Variants in ELL2 observed in about 807,000 individuals in gnomAD.
ELL2 encodes RNA polymerase II elongation factor ELL2.
A neutral mutation model predicts 72.8 loss-of-function variants in ELL2; 21 were observed. That is an observed-to-expected ratio of 0.29 (90% CI 0.20 to 0.42). The LOEUF (loss-of-function observed/expected upper bound fraction) is 0.42, where lower values mean the gene tolerates loss of function less well. ELL2 is among the 10% of genes least tolerant of loss of function. ELL2 has a pLI of 1.00. For synonymous variants in ELL2, 266 were observed against 283.2 expected (o/e 0.94, Z 0.61); for missense variants, 568 against 772.8 (o/e 0.73, Z 3.14).
intron 9 of ELL2, among the ~76,000 whole-genome samples, chr5:95,894,228 G>A (rs1312758364): frequency 2.6e-5 from 4 of 152,072 alleles, no homozygotes; most frequent in East Asian, 3.9e-4. Flanking sequence ...CAACAAGAGC[G>A]AAATTCCGTC....
intron 1 of ELL2, among the ~76,000 whole-genome samples, chr5:95,943,345 CT>C (rs1447981005): frequency 3.3e-5 from 5 of 151,732 alleles, no homozygotes; most frequent in African/African-American, 1.2e-4. Flanking sequence ...TCATTATATA[CT>C]TTCTTTTGCA....
At chr5:95,922,366 T>C (rs1310373188) in intron 2 of ELL2, among the ~76,000 whole-genome samples, 1 of 152,224 alleles carries the variant, frequency 6.6e-6, no homozygotes, top group Non-Finnish European at 1.5e-5. Flanking sequence ...CCAGCCTAAA[T>C]TGCATTTTTA....
At chr5:95,915,352 G>A (rs1580500464) in intron 3 of ELL2, among the ~76,000 whole-genome samples, 2 of 152,298 alleles carry the variant, frequency 1.3e-5, no homozygotes, top group Admixed American at 1.3e-4. Flanking sequence ...CACTCGCCTT[G>A]GCCTCCCAAA....
chr5:95,959,998 A>G (rs1751754340), intron 1 of ELL2, among the ~76,000 whole-genome samples: 1 of 152,042 alleles, frequency 6.6e-6, no homozygotes, highest in Non-Finnish European at 1.5e-5. Flanking sequence ...GGCTCTCTGA[A>G]TACACTCCCA....
intron 2 of ELL2, among the ~76,000 whole-genome samples, chr5:95,940,526 G>A (rs1256250048): frequency 6.6e-6 from 1 of 152,052 alleles, no homozygotes; most frequent in African/African-American, 2.4e-5. Flanking sequence ...AACAGAAAAT[G>A]ATTTTAACAT....
intron 5 of ELL2, among the ~76,000 whole-genome samples, chr5:95,903,234 T>C (rs959155087): frequency 2.8e-4 from 31 of 109,500 alleles, no homozygotes; most frequent in African/African-American, 8.4e-4. Context: ...TTTTTTTTTT[T>C]CCGAGACAGA....
intron 1 of ELL2, among the ~76,000 whole-genome samples, chr5:95,950,904 GTATATATATATATATATATA>G (rs869036736): frequency 0.089 from 4,136 of 46,614 alleles, 239 homozygotes; most frequent in African/African-American, 0.2. Context: ...GTATGTATGT[GTATATATATATATATATATA>G]TATATATATA....
intron 1 of ELL2, among the ~76,000 whole-genome samples, chr5:95,944,573 AC>A (rs1260636921): frequency 6.6e-6 from 1 of 152,204 alleles, no homozygotes; most frequent in Non-Finnish European, 1.5e-5. Flanking sequence ...GAAAAATGCC[AC>A]CCCCAAACTA....
At chr5:95,889,722 G>T (rs1748587221) in intron 10 of ELL2, among the ~76,000 whole-genome samples, 1 of 152,136 alleles carries the variant, frequency 6.6e-6, no homozygotes, top group Non-Finnish European at 1.5e-5. Flanking sequence ...TACAAATGAA[G>T]AAACCTTAGA....
Position 95,903,569 on chromosome 5 carries a change from A to G in ELL2, c.742-2489T>C, listed in dbSNP as rs986721470. On this transcript the variant is annotated intron_variant, in intron 5 of 11. Coordinates refer to ENST00000237853, the MANE Select transcript of ELL2 (RefSeq NM_012081.6). ...TTAAGTCTCTGTTTCTCAATCCTCT[A>G]TATGTTGAAATGCTAAAGTACTTAG... Among the ~76,000 whole-genome samples, 12 of 152,002 alleles carry G rather than the reference A, an allele frequency of 7.9e-5. No homozygotes were observed. In the South Asian group the frequency reaches 2.3e-3, roughly 29 times the overall value.
chr5:95,898,234 A>C lies in ELL2; in HGVS notation c.1525+6T>G. The stretch of plus-strand genomic sequence containing the variant: ...TGCACTTCTGGTTCATCTAAAGGTA[A>C]AATACCTCCACTGGAATTTGGACTG... On this transcript the variant is annotated splice_donor_region_variant and intron_variant, in intron 8 of 11. Coordinates refer to ENST00000237853, the MANE Select transcript of ELL2 (RefSeq NM_012081.6). The C allele has an allele frequency of 6.3e-7, 1 of 1,590,634 alleles. No homozygotes were observed. Among genetic ancestry groups the C allele is most frequent in the Non-Finnish European group, 8.5e-7 (1 of 1,171,452 alleles).
chr5:95,914,863 A>G (rs1749726539), intron 3 of ELL2, among the ~76,000 whole-genome samples: 1 of 152,170 alleles, frequency 6.6e-6, no homozygotes, highest in African/African-American at 2.4e-5. Flanking sequence ...AAAACAGAAC[A>G]AAACACTTTT....
At chr5:95,898,907 T>C in intron 7 of ELL2, 97 bp from the exon 8 acceptor site, 1 of 861,782 alleles carries the variant, frequency 1.2e-6, no homozygotes, top group Non-Finnish European at 1.7e-6. Context: ...TAACCTTACT[T>C]ACTATTAATA....
Position 95,950,902 on chromosome 5 carries a change from GTGTATATATATATATATATATA to G in ELL2, c.148-7875_148-7854del, listed in dbSNP as rs1217664314. Among the ~76,000 whole-genome samples, 87 of 75,034 alleles carry G rather than the reference GTGTATATATATATATATATATA, an allele frequency of 1.2e-3. 4 individuals carry two copies. The highest frequency in any genetic ancestry group is 3.1e-3 in the African/African-American group (72 of 23,382). The allele number at this position is 75,034 out of a possible 152,430, so 49.2% of individuals were successfully genotyped here. A position where few individuals can be genotyped will look rare whatever the true frequency, so the allele number is the denominator to read the frequency against. On this transcript the variant is annotated intron_variant, in intron 1 of 11. Coordinates refer to ENST00000237853, the MANE Select transcript of ELL2 (RefSeq NM_012081.6). ...TATATATATATATGTATGTATGTAT[GTGTATATATATATATATATATA>G]TATATATATATATATATATATATAT...
intron 3 of ELL2, 43 bp downstream of exon 3, chr5:95,919,377 TTAAA>T: frequency 6.4e-7 from 1 of 1,559,498 alleles, no homozygotes; most frequent in Non-Finnish European, 8.6e-7. Flanking sequence ...TAAAACCCTC[TTAAA>T]TAAAAAATTT....
intron 1 of ELL2, among the ~76,000 whole-genome samples, chr5:95,951,483 G>A (rs993908962): frequency 6.6e-6 from 1 of 152,090 alleles, no homozygotes; most frequent in Non-Finnish European, 1.5e-5. Flanking sequence ...TGTATAATTA[G>A]CTTATATGTC....
At chr5:95,899,470 T>C (rs1044476135) in intron 7 of ELL2, among the ~76,000 whole-genome samples, 4 of 152,314 alleles carry the variant, frequency 2.6e-5, no homozygotes, top group Admixed American at 2.6e-4. Context: ...TTTTTACCGT[T>C]ACATATCTCT....
intron 3 of ELL2, among the ~76,000 whole-genome samples, chr5:95,918,877 CTTTTTTTTTTTTTCT>C (rs2112309605): frequency 7.0e-6 from 1 of 142,734 alleles, no homozygotes; most frequent in Non-Finnish European, 1.5e-5. Flanking sequence ...CTTCCTCCTC[CTTTTTTTTTTTTTCT>C]TTTTTTTTAA....
intron 1 of ELL2, among the ~76,000 whole-genome samples, chr5:95,950,666 C>T (rs905386586): frequency 6.6e-6 from 1 of 151,392 alleles, no homozygotes; most frequent in Non-Finnish European, 1.5e-5. Context: ...GTCAATGTAA[C>T]CTTAGATTCA....
Sources: gnomAD v4.1 joint callset for allele counts (sites outside exome capture counted in the v4.1 genomes callset) on GRCh38, gnomAD v4.1.1 for gene constraint, MANE v1.5 for transcripts, NCBI Gene and HGNC (gene_info 2026-07-23, HGNC 2026-07-21) for gene names.